NIBAN1: variants seen among roughly 807,000 people sequenced by gnomAD.
NIBAN1 encodes the protein protein Niban 1.
NIBAN1 carries 81 observed loss-of-function variants against 75.1 expected under a neutral mutation model. That is an observed-to-expected ratio of 1.08 (90% CI 0.90 to 1.30). The LOEUF is 1.30. Among genes scored for constraint, NIBAN1 ranks in the 50% most tolerant of loss-of-function variants. The pLI, the probability that NIBAN1 is intolerant of heterozygous loss-of-function variation, is 0.00. For missense variants in NIBAN1, 1,133 were observed against 1,128.1 expected, an observed-to-expected ratio of 1.00 and a Z score of -0.06; for synonymous variants, 436 against 424.8, an observed-to-expected ratio of 1.03 and a Z score of -0.32.
At chr1:184,805,027 A>G (rs1654155797) in intron 11 of NIBAN1, among the ~76,000 whole-genome samples, 1 of 152,114 alleles carries the variant, frequency 6.6e-6, no homozygotes. Flanking sequence ...TGACCTCGTG[A>G]TCTGCCCGCC....
intron 1 of NIBAN1, among the ~76,000 whole-genome samples, chr1:184,951,896 CGTAA>C (rs1658367469): frequency 6.6e-6 from 1 of 152,120 alleles, no homozygotes; most frequent in East Asian, 1.9e-4. Context: ...CTCATTCCTC[CGTAA>C]CCACACTGAC....
chr1:184,870,581 G>T (rs546084148), intron 5 of NIBAN1, among the ~76,000 whole-genome samples: 1 of 152,100 alleles, frequency 6.6e-6, no homozygotes, highest in Non-Finnish European at 1.5e-5. Context: ...GTCATTTCCC[G>T]CAAGGTCAAG....
chr1:184,958,757 C>T (rs1658554714), intron 1 of NIBAN1, among the ~76,000 whole-genome samples: 7 of 152,168 alleles, frequency 4.6e-5, no homozygotes, highest in Admixed American at 3.9e-4. Context: ...CTTAGTCATG[C>T]TCTAAAATTC....
At chr1:184,888,527 G>A (rs997013099) in intron 4 of NIBAN1, among the ~76,000 whole-genome samples, 2 of 152,128 alleles carry the variant, frequency 1.3e-5, no homozygotes, top group Non-Finnish European at 2.9e-5. Flanking sequence ...TTTTTTCTGA[G>A]TTACAAGAAT....
At chr1:184,942,487 A>C (rs1209707973) in intron 1 of NIBAN1, among the ~76,000 whole-genome samples, 2 of 152,144 alleles carry the variant, frequency 1.3e-5, no homozygotes, top group Non-Finnish European at 2.9e-5. Context: ...AGGTCAGGAG[A>C]TCGAGACCAT....
intron 5 of NIBAN1, among the ~76,000 whole-genome samples, chr1:184,867,170 T>A (rs867647933): frequency 1.7e-4 from 26 of 150,368 alleles, no homozygotes; most frequent in South Asian, 8.4e-4. Context: ...TCTCTCTCTC[T>A]CACACACACA....
At chr1:184,917,193 T>G (rs577281393) in intron 1 of NIBAN1, among the ~76,000 whole-genome samples, 8 of 142,204 alleles carry the variant, frequency 5.6e-5, no homozygotes, top group African/African-American at 2.1e-4. Context: ...CCCATGACTA[T>G]CTCTTCCACT....
chr1:184,904,447 A>C (rs1657037632), intron 1 of NIBAN1, among the ~76,000 whole-genome samples: 1 of 152,180 alleles, frequency 6.6e-6, no homozygotes, highest in Non-Finnish European at 1.5e-5. Flanking sequence ...CACCTTTGTA[A>C]AATTAAGAAA....
At chr1:184,808,021 T>C in intron 10 of NIBAN1, 53 bp downstream of exon 10, 1 of 1,604,388 alleles carries the variant, frequency 6.2e-7, no homozygotes, top group Non-Finnish European at 8.5e-7. Flanking sequence ...CAGCACCCAT[T>C]TCTCTGCTCT....
chr1:184,803,742 T>C, intron 11 of NIBAN1, 50 bp from the exon 12 acceptor site: 1 of 1,546,840 alleles, frequency 6.5e-7, no homozygotes, highest in Non-Finnish European at 8.9e-7. Flanking sequence ...ATCTGTTGAC[T>C]TATGTTTACT....
At chr1:184,927,277 G>A (rs1489427921) in intron 1 of NIBAN1, among the ~76,000 whole-genome samples, 1 of 152,048 alleles carries the variant, frequency 6.6e-6, no homozygotes, top group East Asian at 1.9e-4. Flanking sequence ...TCTCAGTCTG[G>A]GCTTGTTTGT....
chr1:184,906,122 T>C (rs528936890), intron 1 of NIBAN1, among the ~76,000 whole-genome samples: 2 of 151,788 alleles, frequency 1.3e-5, no homozygotes, highest in South Asian at 4.2e-4. Context: ...ACACCTGTAG[T>C]TGCAGCTACT....
At chr1:184,888,913 TA>T (rs1377974143) in intron 4 of NIBAN1, among the ~76,000 whole-genome samples, 2 of 152,262 alleles carry the variant, frequency 1.3e-5, no homozygotes, top group Non-Finnish European at 2.9e-5. Context: ...AATAATTTGT[TA>T]ATCTTAGTTT....
At chr1:184,806,524 T>C (rs1242865196) in intron 10 of NIBAN1, among the ~76,000 whole-genome samples, 1 of 152,108 alleles carries the variant, frequency 6.6e-6, no homozygotes, top group Non-Finnish European at 1.5e-5. Flanking sequence ...AAAGCAGAAG[T>C]AGTTCAGGTA....
chr1:184,949,497 AGTT>A (rs1448493664), intron 1 of NIBAN1, among the ~76,000 whole-genome samples: 6 of 152,284 alleles, frequency 3.9e-5, no homozygotes, highest in Admixed American at 2.6e-4. Flanking sequence ...AATGTAAATT[AGTT>A]GTTATTATCC....
In NIBAN1 at chr1:184,949,845, A is replaced by G. The variant is rs184418646; in HGVS notation, c.55+24457T>C. Among the ~76,000 whole-genome samples, 24 of 152,240 alleles carry G rather than the reference A, an allele frequency of 1.6e-4. No homozygotes were observed. In the East Asian group the frequency reaches 4.2e-3, roughly 27 times the overall value. On this transcript the variant is annotated intron_variant, in intron 1 of 13. Coordinates refer to ENST00000367511, the MANE Select transcript of NIBAN1 (RefSeq NM_052966.4). ...TCAGTTTCTAATGGGGAAATTGGGGATGACAATATCCACAGAAAATTATGC... is the reference window on the plus strand; with the variant it reads ...TCAGTTTCTAATGGGGAAATTGGGGGTGACAATATCCACAGAAAATTATGC...
chr1:184,910,945 C>G (rs888444473), intron 1 of NIBAN1, among the ~76,000 whole-genome samples: 1 of 152,142 alleles, frequency 6.6e-6, no homozygotes, highest in Non-Finnish European at 1.5e-5. Flanking sequence ...GGGTCTCCAG[C>G]CTGCTAGCTT....
intron 1 of NIBAN1, among the ~76,000 whole-genome samples, chr1:184,947,626 A>AC (rs1325959151): frequency 6.6e-6 from 1 of 151,980 alleles, no homozygotes; most frequent in African/African-American, 2.4e-5. Flanking sequence ...TGTATATTGA[A>AC]CCCCCCTTCC....
At chr1:184,808,519 T>C (rs1654273485) in intron 9 of NIBAN1, among the ~76,000 whole-genome samples, 1 of 152,146 alleles carries the variant, frequency 6.6e-6, no homozygotes, top group Non-Finnish European at 1.5e-5. Context: ...AAGCTGTTGA[T>C]GGACTCTAAT....
Sources: allele counts gnomAD v4.1 joint callset (sites outside exome capture counted in the v4.1 genomes callset), GRCh38; gene constraint gnomAD v4.1.1; transcripts MANE v1.5; gene names NCBI Gene and HGNC (gene_info 2026-07-23, HGNC 2026-07-21).